Variants in CYB5RL observed in about 807,000 individuals in gnomAD.
The protein encoded by CYB5RL is NADH-cytochrome b5 reductase-like.
A neutral mutation model predicts 37.5 loss-of-function variants in CYB5RL; 38 were observed. The ratio of observed to expected loss-of-function variants is 1.01; its 90% CI spans 0.78 to 1.33. CYB5RL has a LOEUF of 1.33. Among genes scored for constraint, CYB5RL ranks in the 40% most tolerant of loss-of-function variants. CYB5RL has a pLI of 0.00. For synonymous variants in CYB5RL, 141 were observed against 151.9 expected, an observed-to-expected ratio of 0.93 and a Z score of 0.53; for missense variants, 388 against 394.4, an observed-to-expected ratio of 0.98 and a Z score of 0.14.
chr1:54,174,466 G>C lies in CYB5RL; in HGVS notation c.*153C>G. ...AACCTCATGGGGCAGATGAGAAGTA[G>C]AGGTTCTGAGCAGTAAAGACACTTG... On this transcript the variant is annotated 3_prime_UTR_variant, in exon 8 of 8. Transcript: ENST00000534324. The C allele has an allele frequency of 2.5e-6, 2 of 792,434 alleles. No homozygotes were observed. The highest frequency in any genetic ancestry group is 4.1e-6 in the Non-Finnish European group (2 of 488,650). 49.1% of individuals were successfully genotyped at this position (792,434 alleles called of 1,614,324 possible). A position where few individuals can be genotyped will look rare whatever the true frequency, so the allele number is the denominator to read the frequency against.
intron 7 of CYB5RL, among the ~76,000 whole-genome samples, chr1:54,177,881 G>A (rs541147097): frequency 6.6e-6 from 1 of 152,276 alleles, no homozygotes; most frequent in African/African-American, 2.4e-5. Context: ...ACATTCTCAG[G>A]CGACAGAGGA....
intron 6 of CYB5RL, among the ~76,000 whole-genome samples, chr1:54,182,845 G>A (rs12139075): frequency 0.05 from 7,603 of 152,258 alleles, 262 homozygotes; most frequent in Non-Finnish European, 0.075. Context: ...GAGCCACTGC[G>A]CCCAGCCAAC....
At chr1:54,181,147 C>A (rs1379325495) in intron 6 of CYB5RL, among the ~76,000 whole-genome samples, 2 of 152,242 alleles carry the variant, frequency 1.3e-5, no homozygotes, top group African/African-American at 4.8e-5. Flanking sequence ...AGCCTCCAGG[C>A]CTTCAGCTTG....
chr1:54,175,609 T>C, intron 7 of CYB5RL: 1 of 429,834 alleles, frequency 2.3e-6, no homozygotes, highest in Non-Finnish European at 4.7e-6. Context: ...AATCATTAAG[T>C]ATACAGTTAG....
intron 1 of CYB5RL, 137 bp from the exon 2 acceptor site, chr1:54,196,628 C>T (rs1226071450): frequency 6.6e-6 from 1 of 152,232 alleles, no homozygotes; most frequent in African/African-American, 2.4e-5. Context: ...CCAGAAGCCA[C>T]CTGTGTCCCT....
intron 1 of CYB5RL, among the ~76,000 whole-genome samples, 164 bp from the exon 2 acceptor site, chr1:54,196,655 T>G (rs1454925996): frequency 6.6e-6 from 1 of 152,206 alleles, no homozygotes; most frequent in Non-Finnish European, 1.5e-5. Flanking sequence ...TAACTGCACT[T>G]CCCCAGGTGA....
At chr1:54,197,368 GGTTGGAGTACAGTAGCAT>G (rs1406030954) in intron 1 of CYB5RL, among the ~76,000 whole-genome samples, 2 of 142,366 alleles carry the variant, frequency 1.4e-5, no homozygotes, top group African/African-American at 5.3e-5. Context: ...CAGGTTGCCA[GGTTGGAGTACAGTAGCAT>G]GATCTTGACT....
intron 6 of CYB5RL, chr1:54,180,273 G>A (rs1462366377): frequency 1.8e-5 from 7 of 391,954 alleles, no homozygotes; most frequent in Non-Finnish European, 2.4e-5. Flanking sequence ...CACCCCAGGA[G>A]GTCCCAGTTC....
At position 54,173,979 on chromosome 1, in the gene CYB5RL, C is replaced by T. The variant is rs1237406429; in HGVS notation, c.*640G>A. The stretch of plus-strand genomic sequence containing the variant: ...CCCGTGCCTCTTCTTTTGCTAGGCT[C>T]GATTTTTGAGCCAGGAAAGGGGACT... On this transcript the variant is annotated 3_prime_UTR_variant, in exon 8 of 8. Coordinates refer to ENST00000534324, the MANE Select transcript of CYB5RL (RefSeq NM_001031672.4). 2 of 153,008 alleles carry T rather than the reference C, an allele frequency of 1.3e-5. No homozygotes were observed. Among genetic ancestry groups the T allele is most frequent in the African/African-American group, 4.8e-5 (2 of 41,378 alleles). The allele number at this position is 153,008 out of a possible 1,614,324, so 9.5% of individuals were successfully genotyped here.
intron 7 of CYB5RL, 40 bp downstream of exon 7, chr1:54,179,107 CAG>C (rs1341298412): frequency 1.3e-6 from 2 of 1,584,354 alleles, no homozygotes; most frequent in African/African-American, 2.7e-5. Context: ...AAAGGGACAG[CAG>C]AGTCTCAATC....
intron 7 of CYB5RL, among the ~76,000 whole-genome samples, chr1:54,176,782 G>T (rs1318855802): frequency 6.6e-6 from 1 of 152,326 alleles, no homozygotes; most frequent in East Asian, 1.9e-4. Flanking sequence ...GAGACGGATA[G>T]GGGACCCCAC....
chr1:54,187,224 C>G (rs1643908779), intron 5 of CYB5RL, among the ~76,000 whole-genome samples: 1 of 152,308 alleles, frequency 6.6e-6, no homozygotes, highest in South Asian at 2.1e-4. Flanking sequence ...TCCACCAGCA[C>G]CCTCTCCTCC....
chr1:54,174,866 G>T (rs886390154), intron 7 of CYB5RL, 44 bp from the exon 8 acceptor site: 2 of 1,583,858 alleles, frequency 1.3e-6, no homozygotes, highest in Middle Eastern at 1.7e-4. Flanking sequence ...GGGAGCGGGG[G>T]GTCCTTAGTG....
Position 54,170,973 on chromosome 1 carries a change from G to A in CYB5RL, c.*3646C>T, listed in dbSNP as rs972471801. The A allele has an allele frequency of 5.6e-6, 2 of 359,418 alleles. No individual in the cohort carries two copies. Among genetic ancestry groups the A allele is most frequent in the African/African-American group, 2.1e-5 (1 of 47,024 alleles). 22.3% of individuals were successfully genotyped at this position (359,418 alleles called of 1,614,324 possible). ...TTAGTTGTTTATCGCTCAGGTATTC[G>A]ACATCCAGGAAGTGCTGAGCATCCT... is the stretch of plus-strand genomic sequence containing the variant. On this transcript the variant is annotated 3_prime_UTR_variant, in exon 8 of 8. Transcript: ENST00000534324.
At chr1:54,182,311 T>C (rs1026947518) in intron 6 of CYB5RL, among the ~76,000 whole-genome samples, 3 of 152,156 alleles carry the variant, frequency 2.0e-5, no homozygotes, top group African/African-American at 4.8e-5. Flanking sequence ...CTGGCACACA[T>C]GAGGTGCTAC....
intron 6 of CYB5RL, chr1:54,180,055 G>C (rs1372516205): frequency 2.2e-6 from 1 of 450,932 alleles, no homozygotes. Context: ...AGACCAACGT[G>C]GCAAAACTCC....
In CYB5RL at chr1:54,171,558, G is replaced by A. The variant is rs1187145564; in HGVS notation, c.*3061C>T. ...TTCTGCGACCAAGAATCTGTCCTCA[G>A]GCCCTCTAGTAGCTGTTGCCTTCCT... On this transcript the variant is annotated 3_prime_UTR_variant, in exon 8 of 8. Coordinates refer to ENST00000534324, the MANE Select transcript of CYB5RL (RefSeq NM_001031672.4). 2.5e-6 allele frequency: 1 copy of A among 401,196 alleles called. No individual in the cohort carries two copies. The highest frequency in any genetic ancestry group is 5.0e-6 in the Non-Finnish European group (1 of 198,556). The allele number at this position is 401,196 out of a possible 1,614,324, so 24.9% of individuals were successfully genotyped here. A position where few individuals can be genotyped will look rare whatever the true frequency, so the allele number is the denominator to read the frequency against.
chr1:54,196,969 G>A (rs1557727177), intron 1 of CYB5RL, among the ~76,000 whole-genome samples: 1 of 152,222 alleles, frequency 6.6e-6, no homozygotes, highest in Non-Finnish European at 1.5e-5. Context: ...TAGATGTGAG[G>A]GAGTGTGGGG....
At chr1:54,195,829 A>C (rs1466370164) in intron 2 of CYB5RL, 114 bp from the exon 3 acceptor site, 1 of 475,336 alleles carries the variant, frequency 2.1e-6, no homozygotes, top group Non-Finnish European at 3.7e-6. Flanking sequence ...TGGATCAGCC[A>C]AGGAGTGTGC....
Sources: gnomAD v4.1 joint callset for allele counts (sites outside exome capture counted in the v4.1 genomes callset) on GRCh38, gnomAD v4.1.1 for gene constraint, MANE v1.5 for transcripts, NCBI Gene and HGNC (gene_info 2026-07-23, HGNC 2026-07-21) for gene names.